Variants in TSGA13 observed in about 807,000 individuals in gnomAD.
TSGA13 encodes testis-specific gene 13 protein.
A neutral mutation model predicts 35.1 loss-of-function variants in TSGA13; 37 were observed. The ratio of observed to expected loss-of-function variants is 1.05; its 90% confidence interval spans 0.81 to 1.39. The LOEUF is 1.39. Ranked by LOEUF, TSGA13 falls within the 40% of genes most tolerant of loss-of-function variation. The pLI is 0.00. For synonymous variants in TSGA13, 124 were observed against 121.2 expected, an observed-to-expected ratio of 1.02 and a Z score of -0.15; for missense variants, 338 against 328.5, an observed-to-expected ratio of 1.03 and a Z score of -0.22.
rs1554462074 is a variant in TSGA13 at position 130,668,676 on chromosome 7, G to A, written c.*338C>T. On this transcript the variant is annotated 3_prime_UTR_variant, in exon 8 of 8. Coordinates refer to ENST00000356588, the MANE Select transcript of TSGA13 (RefSeq NM_052933.4). Reference sequence around the variant, plus strand: ...GTCGAATTTTTTAATCATCTTGGACGACTTCCCAGCGCCCAGACCCACCGC... The same window carrying A: ...GTCGAATTTTTTAATCATCTTGGACAACTTCCCAGCGCCCAGACCCACCGC... 18 of 1,538,304 alleles carry A rather than the reference G, an allele frequency of 1.2e-5. No homozygotes were observed. Among genetic ancestry groups the A allele is most frequent in the Non-Finnish European group, 1.5e-5 (17 of 1,144,110 alleles).
Position 130,668,852 on chromosome 7 carries a change from C to T in TSGA13, c.*162G>A, listed in dbSNP as rs907058906. 2.5e-5 allele frequency: 33 copies of T among 1,338,926 alleles called. No homozygotes were observed. Among genetic ancestry groups the T allele is most frequent in the Non-Finnish European group, 3.1e-5 (31 of 988,938 alleles). 82.9% of individuals were successfully genotyped at this position (1,338,926 alleles called of 1,614,324 possible). ...GGCCCCCGGGACGCAGCCACGCCCCCTTCTCCTCTTGCGGCCCGCCGGAGA... is the reference window on the plus strand; with the variant it reads ...GGCCCCCGGGACGCAGCCACGCCCCTTTCTCCTCTTGCGGCCCGCCGGAGA... On this transcript the variant is annotated 3_prime_UTR_variant, in exon 8 of 8. Coordinates refer to ENST00000356588, the MANE Select transcript of TSGA13 (RefSeq NM_052933.4).
intron 5 of TSGA13, among the ~76,000 whole-genome samples, chr7:130,674,869 G>C (rs1468119618): frequency 6.6e-6 from 1 of 152,114 alleles, no homozygotes; most frequent in Non-Finnish European, 1.5e-5. Flanking sequence ...AGTAATTGCA[G>C]TTTTGCAATT....
intron 2 of TSGA13, 47 bp from the exon 3 acceptor site, chr7:130,683,719 C>G (rs1563081815): frequency 6.4e-7 from 1 of 1,558,842 alleles, no homozygotes; most frequent in Admixed American, 1.7e-5. Context: ...GCTCAGAGGC[C>G]TGGACTTCTG....
intron 1 of TSGA13, among the ~76,000 whole-genome samples, chr7:130,685,942 C>T (rs1312167606): frequency 3.3e-5 from 5 of 152,148 alleles, no homozygotes; most frequent in East Asian, 1.9e-4. Context: ...AGCAGAACCT[C>T]GCAGGATAGT....
At chr7:130,671,498 C>G (rs1796266481) in intron 7 of TSGA13, among the ~76,000 whole-genome samples, 163 bp downstream of exon 7, 2 of 152,136 alleles carry the variant, frequency 1.3e-5, no homozygotes, top group Admixed American at 6.5e-5. Context: ...AGCTTTGCAC[C>G]TTTTGAGCCT....
Position 130,685,280 on chromosome 7 carries a change from G to T in TSGA13, c.-70C>A. The T allele has an allele frequency of 6.2e-7, 1 of 1,602,486 alleles. No individual in the cohort carries two copies. Among genetic ancestry groups the T allele is most frequent in the East Asian group, 2.2e-5 (1 of 44,448 alleles). ...AAGGCCAAATTCAGGTCTCTAAATA[G>T]TCCACGTTCTGCAGGGGTTCAATTC... On this transcript the variant is annotated 5_prime_UTR_variant, in exon 2 of 8. Transcript: ENST00000356588.
intron 5 of TSGA13, among the ~76,000 whole-genome samples, chr7:130,678,868 T>TA (rs755362692): frequency 2.7e-4 from 41 of 151,926 alleles, no homozygotes; most frequent in Non-Finnish European, 5.4e-4. Context: ...ACCAAAATAA[T>TA]AAAAAAAGTT....
intron 6 of TSGA13, among the ~76,000 whole-genome samples, chr7:130,672,140 T>G (rs541871457): frequency 1.3e-5 from 2 of 152,274 alleles, no homozygotes; most frequent in South Asian, 4.1e-4. Flanking sequence ...TCTGCCCACC[T>G]TGGCCTCCTG....
In TSGA13 at chr7:130,668,897, G is replaced by T. The variant is rs10232183; in HGVS notation, c.*117C>A. ...CGGAGACTTCGGCTCGACCCTCCCG[G>T]CTTGCGACCCGGGAGCCCACGCCCG... On this transcript the variant is annotated 3_prime_UTR_variant, in exon 8 of 8. Coordinates refer to ENST00000356588, the MANE Select transcript of TSGA13 (RefSeq NM_052933.4). 52,387 of 1,459,392 alleles carry T rather than the reference G, an allele frequency of 0.036. 3,469 individuals carry two copies. The highest frequency in any genetic ancestry group is 0.28 in the African/African-American group (19,753 of 69,566). 90.4% of individuals were successfully genotyped at this position (1,459,392 alleles called of 1,614,324 possible).
intron 2 of TSGA13, among the ~76,000 whole-genome samples, chr7:130,683,973 A>G (rs141191245): frequency 6.6e-6 from 1 of 152,322 alleles, no homozygotes; most frequent in East Asian, 1.9e-4. Context: ...GAAGTGCTCT[A>G]ACGACTGCTT....
At chr7:130,674,161 CTTTTTTTCTTTTTTTTT>C (rs1796352527) in intron 5 of TSGA13, among the ~76,000 whole-genome samples, 5 of 114,710 alleles carry the variant, frequency 4.4e-5, no homozygotes, top group Non-Finnish European at 5.9e-5. Flanking sequence ...TCTTTTTTTT[CTTTTTTTCTTTTTTTTT>C]TTTTTTTTTT....
Position 130,671,851 on chromosome 7 carries a change from CTTTATTTTAT to C in TSGA13, c.531-73_531-64del, listed in dbSNP as rs10628843. 1,378 of 629,182 alleles carry C rather than the reference CTTTATTTTAT, an allele frequency of 2.2e-3. 11 individuals carry two copies. The highest frequency in any genetic ancestry group is 5.7e-3 in the African/African-American group (283 of 49,554). 39.0% of individuals were successfully genotyped at this position (629,182 alleles called of 1,614,324 possible). A position where few individuals can be genotyped will look rare whatever the true frequency, so the allele number is the denominator to read the frequency against. ...GCAGGGGGATTCATGGAACTATTCA[CTTTATTTTAT>C]TTTATTTTATTTTATTTTATTTTAT... On this transcript the variant is annotated intron_variant, in intron 6 of 7. Transcript: ENST00000356588.
At chr7:130,681,592 A>G (rs1796547696) in intron 3 of TSGA13, among the ~76,000 whole-genome samples, 1 of 152,160 alleles carries the variant, frequency 6.6e-6, no homozygotes. Context: ...TCTTCCAGAA[A>G]TGTTGCAAAA....
At chr7:130,674,894 T>G (rs1796373485) in intron 5 of TSGA13, among the ~76,000 whole-genome samples, 1 of 152,222 alleles carries the variant, frequency 6.6e-6, no homozygotes, top group Admixed American at 6.5e-5. Flanking sequence ...TGGCAAAAAC[T>G]GCACTTACTT....
At chr7:130,672,663 G>T in intron 6 of TSGA13, 71 bp downstream of exon 6, 1 of 1,562,554 alleles carries the variant, frequency 6.4e-7, no homozygotes, top group Non-Finnish European at 8.7e-7. Context: ...AAATTGTATG[G>T]CAAAGAACCA....
In TSGA13 at chr7:130,672,716, G is replaced by C. The variant is rs1796307769; in HGVS notation, c.530+18C>G. On this transcript the variant is annotated intron_variant, in intron 6 of 7. Transcript: ENST00000356588. ...AAGATAGGAAAGAAAGCAAGTACAAGAAGAAGCAAGATTTCACCTAAACCA... is the reference window on the plus strand; with the variant it reads ...AAGATAGGAAAGAAAGCAAGTACAACAAGAAGCAAGATTTCACCTAAACCA... 6.2e-7 allele frequency: 1 copy of C among 1,609,292 alleles called. No homozygotes were observed. The highest frequency in any genetic ancestry group is 8.5e-7 in the Non-Finnish European group (1 of 1,177,788).
intron 3 of TSGA13, among the ~76,000 whole-genome samples, chr7:130,683,208 A>C (rs933913750): frequency 1.3e-5 from 2 of 152,238 alleles, no homozygotes; most frequent in Non-Finnish European, 2.9e-5. Context: ...GAATTTCACT[A>C]TCTGTGGCTG....
chr7:130,673,012 A>G (rs1554463566), intron 5 of TSGA13, 136 bp from the exon 6 acceptor site: 2 of 1,000,300 alleles, frequency 2.0e-6, no homozygotes. Flanking sequence ...GGAAGTGGGA[A>G]CTCAGAAACC....
At chr7:130,670,504 A>G (rs1796238274) in intron 7 of TSGA13, among the ~76,000 whole-genome samples, 1 of 152,160 alleles carries the variant, frequency 6.6e-6, no homozygotes, top group East Asian at 1.9e-4. Context: ...CTAATACACA[A>G]ATGTGTACTC....
Sources: allele counts gnomAD v4.1 joint callset (sites outside exome capture counted in the v4.1 genomes callset), GRCh38; gene constraint gnomAD v4.1.1; transcripts MANE v1.5; gene names NCBI Gene and HGNC (gene_info 2026-07-23, HGNC 2026-07-21).